The following DCLRE1C variants were observed in gnomAD, a reference collection of about 807,000 sequenced individuals.
DCLRE1C encodes protein artemis.
Under a neutral mutation model 61.4 loss-of-function variants are expected in DCLRE1C, and 47 were observed. The observed-to-expected ratio is 0.77, with a 90% CI of 0.61 to 0.98. The LOEUF (loss-of-function observed/expected upper bound fraction) is 0.98. Ranked by LOEUF, DCLRE1C falls within the 50% of genes least tolerant of loss-of-function variation. The pLI is 0.00. For missense variants in DCLRE1C, 858 were observed against 816.0 expected (o/e 1.05, Z -0.63); for synonymous variants, 337 against 287.6 (o/e 1.17, Z -1.74).
At chr10:14,951,323 A>G (rs1185548755) in intron 1 of DCLRE1C, among the ~76,000 whole-genome samples, 3 of 138,290 alleles carry the variant, frequency 2.2e-5, no homozygotes, top group East Asian at 2.3e-4. Context: ...CCAGGAGGTG[A>G]AGGCTGCAGT....
chr10:14,934,422 A>G lies in DCLRE1C; in HGVS notation c.636T>C (p.Tyr212=), dbSNP rs1343189911. The G allele has an allele frequency of 6.2e-7, 1 of 1,614,198 alleles. No homozygotes were observed. Among genetic ancestry groups the G allele is most frequent in the Non-Finnish European group, 8.5e-7 (1 of 1,180,032 alleles). Residue 212 remains tyrosine, a synonymous_variant, in exon 8 of 14, where the codon TAT becomes TAC. Coordinates refer to ENST00000378278, the MANE Select transcript of DCLRE1C (RefSeq NM_001033855.3). The part of the protein sequence containing the change: ...VWLNCKAAYG[Y]EYLFTNLSEE... ...CACTAAGGTTGGTGAACAGATATTC[A>G]TAGCCATAAGCCGCTTTGCAGTTCA... is the stretch of plus-strand genomic sequence containing the variant.
intron 9 of DCLRE1C, among the ~76,000 whole-genome samples, chr10:14,928,885 C>A (rs1838492481): frequency 1.3e-5 from 2 of 151,028 alleles, no homozygotes; most frequent in African/African-American, 4.9e-5. Flanking sequence ...TGGGTTCAAG[C>A]AAGTCTCATG....
At chr10:14,935,344 T>A in intron 6 of DCLRE1C, 119 bp downstream of exon 6, 1 of 1,120,746 alleles carries the variant, frequency 8.9e-7, no homozygotes, top group African/African-American at 1.6e-5. Flanking sequence ...CACGTACCTG[T>A]TATCCCAGCT....
intron 13 of DCLRE1C, among the ~76,000 whole-genome samples, chr10:14,911,918 T>C (rs1417945108): frequency 1.3e-5 from 2 of 152,200 alleles, no homozygotes; most frequent in Non-Finnish European, 2.9e-5. Flanking sequence ...ATGGCTATAC[T>C]AAAAAAGACG....
At chr10:14,941,257 C>T (rs536773108) in intron 3 of DCLRE1C, among the ~76,000 whole-genome samples, 5 of 152,328 alleles carry the variant, frequency 3.3e-5, no homozygotes, top group Admixed American at 1.3e-4. Context: ...TTCTGACATG[C>T]CACATTTCCA....
intron 3 of DCLRE1C, among the ~76,000 whole-genome samples, chr10:14,944,419 A>G (rs1841344490): frequency 6.6e-6 from 1 of 152,080 alleles, no homozygotes; most frequent in African/African-American, 2.4e-5. Context: ...GAATCACTTG[A>G]ACCCAGGAGG....
chr10:14,917,359 A>C (rs923948932), intron 13 of DCLRE1C, among the ~76,000 whole-genome samples: 2 of 151,904 alleles, frequency 1.3e-5, no homozygotes, highest in Non-Finnish European at 2.9e-5. Flanking sequence ...GATATGATAC[A>C]AAAAAAAGTA....
downstream of DCLRE1C, chr10:14,904,315 A>ATTTT (rs35999949): frequency 2.1e-4 from 16 of 77,770 alleles, no homozygotes; most frequent in East Asian, 1.2e-3. Context: ...AAAAAAAAAA[A>ATTTT]TTTTTTTTTT....
At position 14,949,039 on chromosome 10, in the gene DCLRE1C, C is replaced by G. The variant is rs771483785; in HGVS notation, c.158G>C (p.Cys53Ser). 6.2e-7 allele frequency: 1 copy of G among 1,608,418 alleles called. No homozygotes were observed. Among genetic ancestry groups the G allele is most frequent in the Non-Finnish European group, 8.5e-7 (1 of 1,175,204 alleles). Reference protein sequence around the residue: ...RAPTLKRRLECSLKVYLYCSP... With the variant: ...RAPTLKRRLESSLKVYLYCSP... ...CACAAGTAGCAAAATAAATTACCTG[C>G]ACTCCAACCTTCTTTTCAAGGTAGG... is the stretch of plus-strand genomic sequence containing the variant. The change falls in exon 2 of 14, where the codon TGC (cysteine) becomes TCC (serine). Residue 53 changes from cysteine (C) to serine (S), a missense_variant. Physicochemically the swap from Cys to Ser is moderately radical, Grantham distance 112. Transcript: ENST00000378278.
At chr10:14,947,287 C>T (rs41304336) in intron 2 of DCLRE1C, among the ~76,000 whole-genome samples, 2,955 of 152,228 alleles carry the variant, frequency 0.019, 98 homozygotes, top group African/African-American at 0.066. Context: ...TGAGTTTTCC[C>T]AGCCCAGGTA....
intron 13 of DCLRE1C, among the ~76,000 whole-genome samples, chr10:14,915,067 G>A (rs961681492): frequency 6.6e-6 from 1 of 151,948 alleles, no homozygotes; most frequent in Non-Finnish European, 1.5e-5. Context: ...TAACCCATGT[G>A]TCAAAGAAAA....
chr10:14,934,570 C>T, intron 7 of DCLRE1C, 50 bp from the exon 8 acceptor site: 2 of 1,614,010 alleles, frequency 1.2e-6, no homozygotes, highest in Non-Finnish European at 1.7e-6. Flanking sequence ...CCGCACATAG[C>T]CTTTTCCTTC....
downstream of DCLRE1C, chr10:14,899,785 A>C (rs1833867030): frequency 4.4e-6 from 6 of 1,350,638 alleles, no homozygotes; most frequent in East Asian, 1.4e-4. Flanking sequence ...ATATCCTTTT[A>C]ACATTTCCAA....
intron 13 of DCLRE1C, among the ~76,000 whole-genome samples, chr10:14,912,759 A>G (rs546431833): frequency 1.3e-5 from 2 of 152,256 alleles, no homozygotes; most frequent in African/African-American, 4.8e-5. Context: ...GTGTGATCTC[A>G]CTGCAAGCTC....
At chr10:14,899,764 C>A, downstream of DCLRE1C, 1 of 1,488,956 alleles carries the variant, frequency 6.7e-7, no homozygotes, top group South Asian at 1.3e-5. Context: ...GAATAATTCC[C>A]TTTAAACTAC....
chr10:14,952,001 T>C (rs1275052392), intron 1 of DCLRE1C, among the ~76,000 whole-genome samples: 1 of 152,228 alleles, frequency 6.6e-6, no homozygotes, highest in East Asian at 1.9e-4. Flanking sequence ...GTTTATGTCC[T>C]GGTTGACTAA....
At chr10:14,945,865 C>T (rs987269872) in intron 2 of DCLRE1C, among the ~76,000 whole-genome samples, 4 of 151,240 alleles carry the variant, frequency 2.6e-5, no homozygotes, top group East Asian at 3.9e-4. Context: ...ACCACGTTGG[C>T]CAGGCTGGTC....
chr10:14,934,491 C>T lies in DCLRE1C; in HGVS notation c.567G>A (p.Leu189=), dbSNP rs1174888095. 31 of 1,614,052 alleles carry T rather than the reference C, an allele frequency of 1.9e-5. No individual in the cohort carries two copies. Among genetic ancestry groups the T allele is most frequent in the Non-Finnish European group, 2.5e-5 (30 of 1,180,048 alleles). The change falls in exon 8 of 14, where the codon CTG becomes CTA. Residue 189 remains leucine (L), a synonymous_variant. Transcript: ENST00000378278. ...REECLSGVLE[L]VRSWITRSPY... The stretch of plus-strand genomic sequence containing the variant: ...GGCTCCGAGTGATCCAGCTTCGGAC[C>T]AGCTCTAAGACTCCACTTAAACACT...
At chr10:14,915,616 A>G (rs983908773) in intron 13 of DCLRE1C, among the ~76,000 whole-genome samples, 6 of 151,768 alleles carry the variant, frequency 4.0e-5, no homozygotes, top group Admixed American at 1.3e-4. Flanking sequence ...TCCTGTGCCT[A>G]TTAGAGAAAT....
Sources: gnomAD v4.1 joint callset for allele counts (sites outside exome capture counted in the v4.1 genomes callset) on GRCh38, gnomAD v4.1.1 for gene constraint, MANE v1.5 for transcripts, NCBI Gene and HGNC (gene_info 2026-07-23, HGNC 2026-07-21) for gene names.